Variants in DAB1 observed in about 807,000 individuals in gnomAD.
DAB1 encodes the protein DAB adaptor protein 1.
Under a neutral mutation model 64.6 loss-of-function variants are expected in DAB1, and 15 were observed. That is an observed-to-expected ratio of 0.23 (90% CI 0.16 to 0.36). The LOEUF is 0.36. Among genes scored for constraint, DAB1 ranks in the 10% least tolerant of loss-of-function variants. DAB1 has a pLI of 1.00. For synonymous variants in DAB1, 235 were observed against 251.9 expected, an observed-to-expected ratio of 0.93 and a Z score of 0.64; for missense variants, 596 against 706.7, an observed-to-expected ratio of 0.84 and a Z score of 1.78.
chr1:57,281,675 G>A (rs1026619056), intron 2 of DAB1, among the ~76,000 whole-genome samples: 40 of 152,106 alleles, frequency 2.6e-4, no homozygotes, highest in Admixed American at 1.2e-3. Flanking sequence ...TTAAATCTCC[G>A]CATTAGTGAG....
intron 9 of DAB1, among the ~76,000 whole-genome samples, chr1:57,058,471 C>T (rs143308735): frequency 4.8e-4 from 73 of 152,336 alleles, no homozygotes; most frequent in African/African-American, 1.7e-3. Flanking sequence ...ACCACTTGAG[C>T]AGCTACTCTG....
At chr1:57,077,576 A>G (rs1464793628) in intron 4 of DAB1, among the ~76,000 whole-genome samples, 1 of 152,150 alleles carries the variant, frequency 6.6e-6, no homozygotes. Context: ...TGAACAGAGA[A>G]TTTCTTATCT....
At chr1:57,107,298 C>G (rs12407883) in intron 4 of DAB1, among the ~76,000 whole-genome samples, 1 of 150,852 alleles carries the variant, frequency 6.6e-6, no homozygotes, top group Non-Finnish European at 1.5e-5. Context: ...TCGCTTGAAC[C>G]GGGGAGGCGG....
At chr1:57,121,877 G>A (rs1656699132) in intron 4 of DAB1, among the ~76,000 whole-genome samples, 1 of 151,878 alleles carries the variant, frequency 6.6e-6, no homozygotes, top group South Asian at 2.1e-4. Flanking sequence ...AGATCCACAT[G>A]TTCTGCACAT....
intron 4 of DAB1, among the ~76,000 whole-genome samples, chr1:57,090,335 A>C (rs773512865): frequency 2.6e-5 from 4 of 152,162 alleles, no homozygotes; most frequent in Admixed American, 6.5e-5. Flanking sequence ...ACAAGGATGA[A>C]AATCCAGGGT....
chr1:58,505,077 C>T (rs949430751), intron 3 of DAB1, among the ~76,000 whole-genome samples: 1 of 152,112 alleles, frequency 6.6e-6, no homozygotes, highest in Non-Finnish European at 1.5e-5. Context: ...CTCAATCTCC[C>T]GAGTAGCTGG....
chr1:57,348,160 C>T (rs1363964864), intron 1 of DAB1, among the ~76,000 whole-genome samples: 1 of 152,096 alleles, frequency 6.6e-6, no homozygotes, highest in Non-Finnish European at 1.5e-5. Flanking sequence ...CAAAACTTGC[C>T]GAGTGTTTCC....
intron 3 of DAB1, among the ~76,000 whole-genome samples, chr1:58,505,145 T>A (rs1160864263): frequency 1.3e-5 from 2 of 152,056 alleles, no homozygotes; most frequent in Non-Finnish European, 2.9e-5. Flanking sequence ...AGAGACAGGG[T>A]TTCACCCCGT....
chr1:58,515,171 C>A (rs1157031013), intron 2 of DAB1, among the ~76,000 whole-genome samples: 1 of 152,112 alleles, frequency 6.6e-6, no homozygotes, highest in Non-Finnish European at 1.5e-5. Context: ...ATTCTCTAAA[C>A]AACATTTTTC....
In DAB1 at chr1:57,045,976, T is replaced by C. The variant is rs548940233; in HGVS notation, c.723+16908A>G. On this transcript the variant is annotated intron_variant, in intron 9 of 14. Coordinates refer to ENST00000371236, the MANE Select transcript of DAB1 (RefSeq NM_001365792.1). ...AAGTAGAGAAGCAAGGGATTTATCC[T>C]TCACAATCAGACTCTATTTCCCTCT... Among the ~76,000 whole-genome samples, 9 of 152,324 alleles carry C rather than the reference T, an allele frequency of 5.9e-5. 1 individual carries two copies. In the South Asian group the frequency reaches 1.9e-3, roughly 32 times the overall value.
At chr1:58,407,233 T>C (rs1266391782) in intron 3 of DAB1, among the ~76,000 whole-genome samples, 3 of 152,140 alleles carry the variant, frequency 2.0e-5, no homozygotes, top group Non-Finnish European at 4.4e-5. Flanking sequence ...GCTGCAGAGC[T>C]GGGAGAAGGA....
Position 57,844,128 on chromosome 1 carries a change from C to T in DAB1, n.88-17673G>A, listed in dbSNP as rs72918525. On this transcript the variant is annotated intron_variant and non_coding_transcript_variant, in intron 1 of 1. Coordinates refer to the DAB1 transcript ENST00000477280. ...AGTAAAACTCCTCATCCCTTAAGAC[C>T]CAAAATCTTCTTTTGTAATTCCTGC... 5.3e-3 allele frequency among the ~76,000 whole-genome samples: 809 copies of T among 152,324 alleles called. 10 individuals carry two copies. Among genetic ancestry groups the T allele is most frequent in the African/African-American group, 0.019 (772 of 41,574 alleles).
chr1:57,829,447 G>A (rs1159476197), intron 1 of DAB1, among the ~76,000 whole-genome samples: 2 of 152,274 alleles, frequency 1.3e-5, no homozygotes, highest in Non-Finnish European at 2.9e-5. Flanking sequence ...GAAGAATGCC[G>A]CCTATCTTAC....
At chr1:58,371,167 G>A (rs1244661898) in intron 3 of DAB1, among the ~76,000 whole-genome samples, 1 of 152,170 alleles carries the variant, frequency 6.6e-6, no homozygotes, top group African/African-American at 2.4e-5. Context: ...ATAGTGATAT[G>A]GACAATGAAG....
chr1:57,902,853 C>T lies in DAB1; in HGVS notation n.388-18691G>A, dbSNP rs138426017. Reference sequence around the variant, plus strand: ...TCCTTTTCCCAAACAACTTTTAATACAATAATGTAAGCATCCGTATTAGTC... The same window carrying T: ...TCCTTTTCCCAAACAACTTTTAATATAATAATGTAAGCATCCGTATTAGTC... On this transcript the variant is annotated intron_variant and non_coding_transcript_variant, in intron 5 of 20. Coordinates refer to the DAB1 transcript ENST00000485760. Among the ~76,000 whole-genome samples the T allele has an allele frequency of 3.2e-4, 48 of 152,186 alleles. 1 individual carries two copies. The highest frequency in any genetic ancestry group is 1.1e-3 in the African/African-American group (47 of 41,514).
chr1:57,734,698 G>T (rs1034432890), intron 6 of DAB1, among the ~76,000 whole-genome samples: 3 of 152,176 alleles, frequency 2.0e-5, no homozygotes, highest in African/African-American at 7.2e-5. Context: ...GGAAGTGAGG[G>T]GTCCCCAGGG....
intron 3 of DAB1, among the ~76,000 whole-genome samples, chr1:58,441,589 T>G (rs1645008638): frequency 6.6e-6 from 1 of 152,182 alleles, no homozygotes; most frequent in South Asian, 2.1e-4. Context: ...TTTTCCTTTC[T>G]GGCTCTGATT....
At chr1:57,176,093 G>T (rs188743563) in intron 2 of DAB1, among the ~76,000 whole-genome samples, 1 of 152,256 alleles carries the variant, frequency 6.6e-6, no homozygotes, top group Admixed American at 6.5e-5. Context: ...TGCTGCAAGG[G>T]TCAAACAAGA....
chr1:57,764,360 A>G (rs1649216402), intron 6 of DAB1, among the ~76,000 whole-genome samples: 2 of 152,322 alleles, frequency 1.3e-5, no homozygotes, highest in Middle Eastern at 3.4e-3. Context: ...GTGTGGATAC[A>G]TATAACATGT....
Sources: gnomAD v4.1 joint callset for allele counts (sites outside exome capture counted in the v4.1 genomes callset) on GRCh38, gnomAD v4.1.1 for gene constraint, MANE v1.5 for transcripts, NCBI Gene and HGNC (gene_info 2026-07-23, HGNC 2026-07-21) for gene names.